The following PTPRA variants were observed in gnomAD, a reference collection of about 807,000 sequenced individuals.
The protein encoded by PTPRA is receptor-type tyrosine-protein phosphatase alpha.
In PTPRA, 25 loss-of-function variants were observed where a neutral mutation model predicts 104.8. The ratio of observed to expected loss-of-function variants is 0.24; its 90% confidence interval spans 0.17 to 0.33. The LOEUF (loss-of-function observed/expected upper bound fraction) is 0.33. Ranked by LOEUF, PTPRA falls within the 10% of genes least tolerant of loss-of-function variation. PTPRA has a pLI of 1.00. For missense variants in PTPRA, 765 were observed against 1,015.3 expected (o/e 0.75, Z 3.35); for synonymous variants, 323 against 368.9 (o/e 0.88, Z 1.43).
chr20:3,020,252 C>A (rs1161589012), intron 13 of PTPRA, among the ~76,000 whole-genome samples: 1 of 152,126 alleles, frequency 6.6e-6, no homozygotes, highest in Non-Finnish European at 1.5e-5. Context: ...CCCGCCACCA[C>A]GCCCAGCTAA....
At chr20:2,910,392 ATATATAATATATTTTGTATAT>A (rs1167173889) in intron 1 of PTPRA, among the ~76,000 whole-genome samples, 1 of 75,018 alleles carries the variant, frequency 1.3e-5, no homozygotes, top group Admixed American at 1.7e-4. Flanking sequence ...TATATATTTT[ATATATAATATATTTTGTATAT>A]TATATAATAT....
At chr20:3,019,957 G>T (rs942057708) in intron 13 of PTPRA, among the ~76,000 whole-genome samples, 1 of 151,442 alleles carries the variant, frequency 6.6e-6, no homozygotes, top group East Asian at 2.0e-4. Flanking sequence ...GCCTGCAATC[G>T]CAGGCACTCG....
chr20:2,865,245 C>T, the PTPRA span: 2 of 1,614,180 alleles, frequency 1.2e-6, no homozygotes, highest in Admixed American at 1.7e-5. The surrounding 1 kb of genome is among the most constrained non-coding windows in gnomAD (Gnocchi z 5.2). Context: ...GACACAGTTA[C>T]CACCCTCATT....
intron 2 of PTPRA, among the ~76,000 whole-genome samples, chr20:2,937,963 TTCTCTC>T (rs1157127038): frequency 6.6e-6 from 1 of 152,206 alleles, no homozygotes; most frequent in African/African-American, 2.4e-5. Context: ...GATATGTTGT[TTCTCTC>T]TAATTGATTT....
chr20:2,949,714 C>T (rs774842754), intron 3 of PTPRA, among the ~76,000 whole-genome samples: 11 of 146,664 alleles, frequency 7.5e-5, no homozygotes, highest in Non-Finnish European at 1.2e-4. Context: ...AAGATAATTG[C>T]GTATTGTTTT....
chr20:2,969,625 C>T (rs1162432900), intron 5 of PTPRA, among the ~76,000 whole-genome samples: 1 of 108,460 alleles, frequency 9.2e-6, no homozygotes, highest in Non-Finnish European at 1.9e-5. Context: ...GAGGCTGAGG[C>T]GGGCAGATCA....
At position 2,935,117 on chromosome 20, in the gene PTPRA, A is replaced by G. The variant is rs566252453; in HGVS notation, c.-50+11832A>G. 5.9e-5 allele frequency among the ~76,000 whole-genome samples: 9 copies of G among 152,234 alleles called. No homozygotes were observed. The South Asian group carries it at 1.9e-3, about 32-fold the overall frequency. On this transcript the variant is annotated intron_variant, in intron 2 of 23. Coordinates refer to ENST00000399903, the MANE Select transcript of PTPRA (RefSeq NM_001385305.1). ...TCTTGAACTTATTCCTCCTAACTGA[A>G]TTTTGTGTCCTTTGTTCAGTATTTC...
intron 13 of PTPRA, among the ~76,000 whole-genome samples, chr20:3,019,815 C>T (rs1473339981): frequency 1.3e-5 from 2 of 152,200 alleles, no homozygotes; most frequent in Non-Finnish European, 2.9e-5. Flanking sequence ...ACTCCGTCTG[C>T]AATCCCGGCA....
At chr20:3,004,726 C>T (rs904807050) in intron 9 of PTPRA, among the ~76,000 whole-genome samples, 1 of 152,218 alleles carries the variant, frequency 6.6e-6, no homozygotes, top group African/African-American at 2.4e-5. Flanking sequence ...TGTCCCCATT[C>T]CAATTTACAA....
At chr20:3,020,012 G>A (rs1055480168) in intron 13 of PTPRA, among the ~76,000 whole-genome samples, 16 of 151,910 alleles carry the variant, frequency 1.1e-4, no homozygotes, top group African/African-American at 3.4e-4. Context: ...GCAGTGAGCC[G>A]AGATGGCAGC....
At chr20:2,866,685 G>T in the PTPRA span, 1 of 1,480,522 alleles carries the variant, frequency 6.8e-7, no homozygotes, top group Non-Finnish European at 9.2e-7. Context: ...GAGGAGCGGG[G>T]GCATGGTAGC....
chr20:2,918,338 A>G (rs2059983975), intron 1 of PTPRA, among the ~76,000 whole-genome samples: 1 of 152,054 alleles, frequency 6.6e-6, no homozygotes, highest in African/African-American at 2.4e-5. Flanking sequence ...ATAAAACTCT[A>G]TTTTTAAATG....
Position 3,022,330 on chromosome 20 carries a change from C to T in PTPRA, c.1328+110C>T. On this transcript the variant is annotated intron_variant, in intron 15 of 23. Coordinates refer to ENST00000399903, the MANE Select transcript of PTPRA (RefSeq NM_001385305.1). The surrounding 1 kb of genome is among the most constrained non-coding windows in gnomAD (Gnocchi z 4.6). ...GAGGAGGCTGGCACAGAGTAGATGA[C>T]CTACTGGGGCACCAGCGCAACAGCC... 1 of 1,346,802 alleles carries T rather than the reference C, an allele frequency of 7.4e-7. No homozygotes were observed. The highest frequency in any genetic ancestry group is 1.0e-6 in the Non-Finnish European group (1 of 978,222). 83.4% of individuals were successfully genotyped at this position (1,346,802 alleles called of 1,614,324 possible). A position where few individuals can be genotyped will look rare whatever the true frequency, so the allele number is the denominator to read the frequency against.
intron 5 of PTPRA, 43 bp from the exon 6 acceptor site, chr20:2,975,172 C>A (rs1486773285): frequency 1.3e-5 from 20 of 1,512,316 alleles, no homozygotes; most frequent in Non-Finnish European, 1.7e-5. Flanking sequence ...TAATGTGTTT[C>A]TTTAACCTGA....
chr20:3,015,598 G>A (rs1196085432), intron 11 of PTPRA, among the ~76,000 whole-genome samples: 1 of 152,076 alleles, frequency 6.6e-6, no homozygotes, highest in Non-Finnish European at 1.5e-5. Flanking sequence ...GAGCTACCAC[G>A]CCTGGCCTGG....
intron 20 of PTPRA, among the ~76,000 whole-genome samples, chr20:3,033,074 C>A (rs571809361): frequency 3.3e-5 from 5 of 151,930 alleles, no homozygotes; most frequent in Non-Finnish European, 7.4e-5. Context: ...ATACTAGACT[C>A]GGGCGCTAGC....
At chr20:2,872,285 C>T (rs1440410668), upstream of PTPRA, among the ~76,000 whole-genome samples, 1 of 152,194 alleles carries the variant, frequency 6.6e-6, no homozygotes, top group Non-Finnish European at 1.5e-5. This position sits in a 1 kb window ranked among gnomAD's most constrained non-coding sequence, Gnocchi z 7.9. Flanking sequence ...GAAGAGTTGC[C>T]GCCGGTCACA....
intron 5 of PTPRA, among the ~76,000 whole-genome samples, chr20:2,972,777 G>T (rs1458172395): frequency 6.6e-6 from 1 of 151,944 alleles, no homozygotes; most frequent in Non-Finnish European, 1.5e-5. Flanking sequence ...GAGTGCAGTG[G>T]CATGATCTCG....
rs1252351379 is a variant in PTPRA at position 3,037,863 on chromosome 20, G to T, written c.2335-196G>T. 1.3e-5 allele frequency among the ~76,000 whole-genome samples: 2 copies of T among 152,204 alleles called. No individual in the cohort carries two copies. Among genetic ancestry groups the T allele is most frequent in the Admixed American group, 1.3e-4 (2 of 15,282 alleles). On this transcript the variant is annotated intron_variant, in intron 23 of 23. Transcript: ENST00000399903. The surrounding 1 kb of genome is among the most constrained non-coding windows in gnomAD (Gnocchi z 4.3). ...TCAGCTCTGGTCAGCTCTGCTTGTA[G>T]AAGGTCTGCTGCATTCAGCCCGGAA...
Sources: gnomAD v4.1 joint callset for allele counts (sites outside exome capture counted in the v4.1 genomes callset) on GRCh38, gnomAD v4.1.1 for gene constraint, Gnocchi (gnomAD v3.1) non-coding constraint, MANE v1.5 for transcripts, NCBI Gene and HGNC (gene_info 2026-07-23, HGNC 2026-07-21) for gene names.